Variants in ZNF384 observed in about 807,000 individuals in gnomAD.
ZNF384 encodes the protein CAG repeat protein 1.
In ZNF384, 20 loss-of-function variants were observed where a neutral mutation model predicts 65.0. The observed-to-expected ratio is 0.31, with a 90% CI of 0.22 to 0.45. The LOEUF (loss-of-function observed/expected upper bound fraction) is 0.45. Among genes scored for constraint, ZNF384 ranks in the 20% least tolerant of loss-of-function variants. The pLI, the probability that ZNF384 is intolerant of heterozygous loss-of-function variation, is 1.00. For missense variants in ZNF384, 549 were observed against 769.4 expected, an observed-to-expected ratio of 0.71 and a Z score of 3.39; for synonymous variants, 310 against 303.9, an observed-to-expected ratio of 1.02 and a Z score of -0.21.
chr12:6,681,613 G>T (rs1955987180), intron 2 of ZNF384, among the ~76,000 whole-genome samples: 1 of 152,118 alleles, frequency 6.6e-6, no homozygotes, highest in Non-Finnish European at 1.5e-5. Flanking sequence ...AGAGCTAAAG[G>T]GTAGGCTGGG....
intron 6 of ZNF384, among the ~76,000 whole-genome samples, chr12:6,677,894 A>AC (rs1954304580): frequency 6.6e-6 from 1 of 151,368 alleles, no homozygotes; most frequent in African/African-American, 2.4e-5. Flanking sequence ...AGTGTTAACG[A>AC]CCCCCAAAAC....
chr12:6,674,129 G>A (rs1286655029), intron 7 of ZNF384, among the ~76,000 whole-genome samples: 2 of 152,144 alleles, frequency 1.3e-5, no homozygotes, highest in African/African-American at 2.4e-5. Flanking sequence ...AGCTGCTAGG[G>A]GAAGGTGCCA....
chr12:6,685,570 C>T (rs1039818698), intron 2 of ZNF384, among the ~76,000 whole-genome samples: 5 of 151,928 alleles, frequency 3.3e-5, no homozygotes, highest in African/African-American at 1.2e-4. Context: ...CTTAGGAGTT[C>T]AAGACCAGCC....
At chr12:6,682,198 T>TA (rs1592409396) in intron 2 of ZNF384, among the ~76,000 whole-genome samples, 2 of 145,812 alleles carry the variant, frequency 1.4e-5, no homozygotes, top group East Asian at 4.0e-4. Context: ...TGCATACCCA[T>TA]AATCCTAGGT....
intron 10 of ZNF384, among the ~76,000 whole-genome samples, chr12:6,669,948 A>G (rs1345792147): frequency 3.3e-5 from 5 of 152,062 alleles, no homozygotes; most frequent in African/African-American, 7.2e-5. Flanking sequence ...GCGCGCACAC[A>G]CACACACACA....
intron 2 of ZNF384, among the ~76,000 whole-genome samples, chr12:6,687,326 C>T (rs1958285325): frequency 6.6e-6 from 1 of 152,168 alleles, no homozygotes. Context: ...TACCCTGCAT[C>T]CTGTGGGAGG....
chr12:6,683,834 T>G (rs959986552), intron 2 of ZNF384, among the ~76,000 whole-genome samples: 1 of 152,012 alleles, frequency 6.6e-6, no homozygotes, highest in South Asian at 2.1e-4. Context: ...CTGGCCAAGA[T>G]GGTGAAACCT....
rs777769127 is a variant in ZNF384, at chr12:6,678,654, G to A, written c.352+9C>T. 1.9e-6 allele frequency: 3 copies of A among 1,612,602 alleles called. No homozygotes were observed. In the African/African-American group the frequency reaches 4.0e-5, roughly 22 times the overall value. ...TTGTCCCCACCCCCCTGGTAACAGT[G>A]AGATTTACCCCTTGATTGACTCCCT... On this transcript the variant is annotated intron_variant, in intron 5 of 11. Coordinates refer to ENST00000683879, the MANE Select transcript of ZNF384 (RefSeq NM_001385745.1). This position sits in a 1 kb window ranked among gnomAD's most constrained non-coding sequence, Gnocchi z 4.9.
Position 6,672,335 on chromosome 12 carries a change from G to C in ZNF384, c.1187+15C>G. The stretch of plus-strand genomic sequence containing the variant: ...GCCAGCGGGGCGGGGTCAGTAGCCC[G>C]CCACTCTCCCTTACCGTGTGTGCTG... On this transcript the variant is annotated intron_variant, in intron 9 of 11. Coordinates refer to ENST00000683879, the MANE Select transcript of ZNF384 (RefSeq NM_001385745.1). This position sits in a 1 kb window ranked among gnomAD's most constrained non-coding sequence, Gnocchi z 4.4. The C allele has an allele frequency of 6.2e-7, 1 of 1,609,162 alleles. No homozygotes were observed. The highest frequency in any genetic ancestry group is 8.5e-7 in the Non-Finnish European group (1 of 1,177,356).
rs1241945794 is a variant in ZNF384, at chr12:6,678,760, A to C, written c.305-50T>G. On this transcript the variant is annotated intron_variant, in intron 4 of 11. Coordinates refer to ENST00000683879, the MANE Select transcript of ZNF384 (RefSeq NM_001385745.1). The surrounding 1 kb of genome is among the most constrained non-coding windows in gnomAD (Gnocchi z 4.9). ...TCACCTCCTCAAAGGCAGGGACCGC[A>C]TCTTCTACTTCTTTGTATCCCCCAC... The C allele has an allele frequency of 6.3e-7, 1 of 1,593,634 alleles. No individual in the cohort carries two copies. The highest frequency in any genetic ancestry group is 8.6e-7 in the Non-Finnish European group (1 of 1,161,956).
At position 6,684,926 on chromosome 12, in the gene ZNF384, G is replaced by C. The variant is rs1957354003; in HGVS notation, c.-6+3241C>G. Among the ~76,000 whole-genome samples, 6 of 152,118 alleles carry C rather than the reference G, an allele frequency of 3.9e-5. No individual in the cohort carries two copies. The South Asian group carries it at 1.2e-3, about 32-fold the overall frequency. ...TTTACCGCTTACTCTATCTTTCGTG[G>C]AGGAAATTTCTCCAAATCATCCCAA... On this transcript the variant is annotated intron_variant, in intron 2 of 11. Coordinates refer to ENST00000683879, the MANE Select transcript of ZNF384 (RefSeq NM_001385745.1).
Position 6,672,493 on chromosome 12 carries a change from G to T in ZNF384, c.1044C>A (p.His348Gln). Reference protein sequence around the residue: ...SKMHTETIKPHKCPHCSKTFA... With the variant: ...SKMHTETIKPQKCPHCSKTFA... ...AGGTCTTGGAGCAGTGCGGGCACTT[G>T]TGGGGCTTGATGGTCTCCGTGTGCA... Residue 348 changes from histidine (H) to glutamine (Q), a missense_variant, in exon 9 of 12, where the codon CAC becomes CAA. Transcript: ENST00000683879. The surrounding 1 kb of genome is among the most constrained non-coding windows in gnomAD (Gnocchi z 4.4). 1 of 1,614,212 alleles carries T rather than the reference G, an allele frequency of 6.2e-7. No homozygotes were observed. The highest frequency in any genetic ancestry group is 8.5e-7 in the Non-Finnish European group (1 of 1,180,022).
At position 6,672,246 on chromosome 12, in the gene ZNF384, G is replaced by A. The variant is rs1951765974; in HGVS notation, c.1187+104C>T. The A allele has an allele frequency of 2.2e-5, 28 of 1,296,284 alleles. No individual in the cohort carries two copies. Among genetic ancestry groups the A allele is most frequent in the Non-Finnish European group, 2.7e-5 (26 of 954,528 alleles). The allele number at this position is 1,296,284 out of a possible 1,614,324, so 80.3% of individuals were successfully genotyped here. On this transcript the variant is annotated intron_variant, in intron 9 of 11. Coordinates refer to ENST00000683879, the MANE Select transcript of ZNF384 (RefSeq NM_001385745.1). The surrounding 1 kb of genome is among the most constrained non-coding windows in gnomAD (Gnocchi z 4.4). ...CCAGCCAGGTCTCTCCTCCAGCCAG[G>A]TCTCTCCCCCGCCCCCCGCATGCGG...
chr12:6,679,661 A>C, intron 2 of ZNF384, 136 bp from the exon 3 acceptor site: 2 of 656,514 alleles, frequency 3.0e-6, no homozygotes, highest in Non-Finnish European at 2.7e-6. Context: ...GTCAAGACTT[A>C]GTGTCTAGCA....
Position 6,672,261 on chromosome 12 carries a change from C to T in ZNF384, c.1187+89G>A. The T allele has an allele frequency of 7.0e-7, 1 of 1,420,456 alleles. No homozygotes were observed. The highest frequency in any genetic ancestry group is 9.5e-7 in the Non-Finnish European group (1 of 1,056,792). 88.0% of individuals were successfully genotyped at this position (1,420,456 alleles called of 1,614,324 possible). ...CTCCAGCCAGGTCTCTCCCCCGCCC[C>T]CCGCATGCGGGTTGTTGTGTGTGTC... is the stretch of plus-strand genomic sequence containing the variant. On this transcript the variant is annotated intron_variant, in intron 9 of 11. Transcript: ENST00000683879. This position sits in a 1 kb window ranked among gnomAD's most constrained non-coding sequence, Gnocchi z 4.4.
intron 2 of ZNF384, among the ~76,000 whole-genome samples, chr12:6,683,907 T>C (rs1256885514): frequency 6.6e-6 from 1 of 151,790 alleles, no homozygotes; most frequent in Admixed American, 6.6e-5. Context: ...GTCCCAGCTA[T>C]TCAGGAGGCT....
chr12:6,687,603 C>G (rs930324916), intron 2 of ZNF384, among the ~76,000 whole-genome samples: 4 of 152,154 alleles, frequency 2.6e-5, no homozygotes, highest in African/African-American at 9.7e-5. Context: ...CTACTCCGTA[C>G]AGTTTTATCC....
intron 2 of ZNF384, among the ~76,000 whole-genome samples, chr12:6,686,348 G>T (rs538751230): frequency 6.6e-6 from 1 of 152,224 alleles, no homozygotes; most frequent in South Asian, 2.1e-4. Flanking sequence ...CCACCTCCTG[G>T]GTTCAAGCAA....
rs1229686588 is a variant in ZNF384 at position 6,666,986 on chromosome 12, G to A, written c.*728C>T. 4.6e-6 allele frequency: 1 copy of A among 216,698 alleles called. No homozygotes were observed. Among genetic ancestry groups the A allele is most frequent in the African/African-American group, 2.3e-5 (1 of 44,406 alleles). 13.4% of individuals were successfully genotyped at this position (216,698 alleles called of 1,614,324 possible). A position where few individuals can be genotyped will look rare whatever the true frequency, so the allele number is the denominator to read the frequency against. Reference sequence around the variant, plus strand: ...CAGCTCCTTGGGGGTGGGTTGGGGAGACTGAGAGTATAGGGTCTTTGTAGG... The same window carrying A: ...CAGCTCCTTGGGGGTGGGTTGGGGAAACTGAGAGTATAGGGTCTTTGTAGG... On this transcript the variant is annotated 3_prime_UTR_variant, in exon 12 of 12. Coordinates refer to ENST00000683879, the MANE Select transcript of ZNF384 (RefSeq NM_001385745.1).
Sources: gnomAD v4.1 joint callset for allele counts (sites outside exome capture counted in the v4.1 genomes callset) on GRCh38, gnomAD v4.1.1 for gene constraint, Gnocchi (gnomAD v3.1) non-coding constraint, MANE v1.5 for transcripts, NCBI Gene and HGNC (gene_info 2026-07-23, HGNC 2026-07-21) for gene names.